PARD3B: variants seen among roughly 807,000 people sequenced by gnomAD.
PARD3B encodes par-3 family cell polarity regulator beta.
PARD3B carries 103 observed loss-of-function variants against 130.2 expected under a neutral mutation model. That is an observed-to-expected ratio of 0.79 (90% confidence interval 0.67 to 0.93). The LOEUF is 0.93. PARD3B is among the 40% of genes least tolerant of loss of function. The probability of loss-of-function intolerance (pLI) is 0.00; values close to 1 mark genes in which losing one functional copy is unlikely to be tolerated. For missense variants in PARD3B, 1,609 were observed against 1,499.2 expected (o/e 1.07, Z -1.21); for synonymous variants, 583 against 553.2 (o/e 1.05, Z -0.76).
Position 205,321,669 on chromosome 2 carries a change from G to A in PARD3B, c.2630+19968G>A, listed in dbSNP as rs528542473. ...GAGATAAGTCAAGAGTTGGCCTCAA[G>A]TAAACCTCAAAATAGCAAAATCAGA... On this transcript the variant is annotated intron_variant, in intron 18 of 22. Coordinates refer to ENST00000406610, the MANE Select transcript of PARD3B (RefSeq NM_001302769.2). The surrounding 1 kb of genome is among the most constrained non-coding windows in gnomAD (Gnocchi z 4.2). 6.6e-6 allele frequency among the ~76,000 whole-genome samples: 1 copy of A among 152,238 alleles called. No individual in the cohort carries two copies. Among genetic ancestry groups the A allele is most frequent in the East Asian group, 1.9e-4 (1 of 5,188 alleles).
At chr2:204,817,575 CA>C (rs1464129603) in intron 2 of PARD3B, among the ~76,000 whole-genome samples, 2 of 152,066 alleles carry the variant, frequency 1.3e-5, no homozygotes, top group African/African-American at 4.8e-5. Flanking sequence ...TTAATCCATT[CA>C]AGTAGTTTTC....
chr2:205,412,569 C>G (rs955698862), intron 19 of PARD3B, among the ~76,000 whole-genome samples: 3 of 152,176 alleles, frequency 2.0e-5, no homozygotes, highest in Non-Finnish European at 4.4e-5. Context: ...TTCAGTGGCT[C>G]TCTATTGCCT....
chr2:205,539,111 T>G (rs2052004293), intron 21 of PARD3B, among the ~76,000 whole-genome samples: 1 of 152,182 alleles, frequency 6.6e-6, no homozygotes, highest in African/African-American at 2.4e-5. Context: ...TAGAGACTCT[T>G]CATGCAGTTT....
At chr2:204,836,567 G>A (rs1249101867) in intron 2 of PARD3B, among the ~76,000 whole-genome samples, 2 of 152,168 alleles carry the variant, frequency 1.3e-5, no homozygotes, top group Non-Finnish European at 2.9e-5. Context: ...GGAGGCTGAG[G>A]CAGCAGAATC....
At chr2:205,278,041 C>T (rs546858859) in intron 16 of PARD3B, among the ~76,000 whole-genome samples, 46 of 151,900 alleles carry the variant, frequency 3.0e-4, no homozygotes, top group African/African-American at 1.1e-3. Context: ...TGCTTGGACG[C>T]GGAGGGAGGA....
intron 1 of PARD3B, among the ~76,000 whole-genome samples, chr2:204,548,789 C>T (rs562077351): frequency 3.3e-5 from 5 of 152,168 alleles, no homozygotes; most frequent in Admixed American, 2.6e-4. Flanking sequence ...ATTTGCAAAT[C>T]AACTATGAAA....
chr2:205,048,759 G>A (rs1456676753), intron 4 of PARD3B, among the ~76,000 whole-genome samples: 1 of 152,154 alleles, frequency 6.6e-6, no homozygotes, highest in Non-Finnish European at 1.5e-5. Flanking sequence ...TAATAGATTT[G>A]TGGCAATATT....
intron 2 of PARD3B, among the ~76,000 whole-genome samples, chr2:204,698,589 C>T (rs1224717946): frequency 6.6e-6 from 1 of 151,694 alleles, no homozygotes; most frequent in East Asian, 1.9e-4. Flanking sequence ...CTATTTAACA[C>T]ATCTATTAAG....
rs2042922234 is a variant in PARD3B, at chr2:205,325,860, T to TAGAAGGAA, written c.2630+24159_2630+24160insAGAAGGAA. ...GGCAAATATATAGAAGGAACAAAAT[T>TAGAAGGAA]GAAAAACAAATAAAAATAAATAAAA... On this transcript the variant is annotated intron_variant, in intron 18 of 22. Coordinates refer to ENST00000406610, the MANE Select transcript of PARD3B (RefSeq NM_001302769.2). This position sits in a 1 kb window ranked among gnomAD's most constrained non-coding sequence, Gnocchi z 4.1. Among the ~76,000 whole-genome samples, 1 of 152,014 alleles carries TAGAAGGAA rather than the reference T, an allele frequency of 6.6e-6. No homozygotes were observed. Among genetic ancestry groups the TAGAAGGAA allele is most frequent in the Non-Finnish European group, 1.5e-5 (1 of 68,028 alleles).
At chr2:204,877,396 T>TA (rs568395673) in intron 2 of PARD3B, among the ~76,000 whole-genome samples, 8 of 151,726 alleles carry the variant, frequency 5.3e-5, no homozygotes, top group East Asian at 1.9e-4. Flanking sequence ...TAAAGTATAA[T>TA]AAAAAAATTA....
chr2:205,319,901 G>A (rs955084511), intron 18 of PARD3B, among the ~76,000 whole-genome samples: 38 of 151,916 alleles, frequency 2.5e-4, no homozygotes, highest in African/African-American at 8.5e-4. Flanking sequence ...AAACTCGGCC[G>A]GGTGTGGTGG....
intron 4 of PARD3B, among the ~76,000 whole-genome samples, chr2:205,074,941 T>G (rs1700949233): frequency 6.6e-6 from 1 of 152,232 alleles, no homozygotes; most frequent in South Asian, 2.1e-4. Context: ...GTTGGTGTAT[T>G]GTTTCCAAAT....
chr2:205,278,404 G>T (rs78280581), intron 16 of PARD3B, among the ~76,000 whole-genome samples: 67 of 152,274 alleles, frequency 4.4e-4, no homozygotes, highest in Middle Eastern at 6.8e-3. Context: ...ATAGGCTTGG[G>T]GGGGAGAGGG....
At chr2:205,519,142 G>T (rs368383164) in intron 21 of PARD3B, among the ~76,000 whole-genome samples, 14 of 152,330 alleles carry the variant, frequency 9.2e-5, no homozygotes, top group African/African-American at 3.1e-4. Flanking sequence ...GTCTAGCAAG[G>T]TTGGGGAAGT....
In PARD3B at chr2:205,463,373, C is replaced by T. The variant is rs922770200; in HGVS notation, c.3044+22701C>T. Among the ~76,000 whole-genome samples the T allele has an allele frequency of 6.6e-6, 1 of 151,426 alleles. No individual in the cohort carries two copies. The highest frequency in any genetic ancestry group is 2.0e-4 in the East Asian group (1 of 5,114). ...TAGCCATGGCCTGGCCAGGCACTGC[C>T]TTGCGGCCCTTCCAAAGGTGGCAGA... On this transcript the variant is annotated intron_variant, in intron 20 of 22. Coordinates refer to ENST00000406610, the MANE Select transcript of PARD3B (RefSeq NM_001302769.2). The surrounding 1 kb of genome is among the most constrained non-coding windows in gnomAD (Gnocchi z 4.8).
intron 19 of PARD3B, among the ~76,000 whole-genome samples, chr2:205,402,852 T>C (rs1016626081): frequency 1.4e-4 from 22 of 152,198 alleles, no homozygotes; most frequent in Admixed American, 1.4e-3. Context: ...CAACATTGTC[T>C]CAATCATGTG....
intron 16 of PARD3B, among the ~76,000 whole-genome samples, chr2:205,257,035 G>A (rs1367972266): frequency 6.6e-6 from 1 of 152,116 alleles, no homozygotes; most frequent in Admixed American, 6.6e-5. Flanking sequence ...AGGTACCCAT[G>A]CAATGCCATG....
intron 1 of PARD3B, among the ~76,000 whole-genome samples, chr2:204,621,461 C>A (rs1008806340): frequency 1.3e-5 from 2 of 152,128 alleles, no homozygotes; most frequent in East Asian, 3.9e-4. Context: ...TCCCAAGTAG[C>A]CAGTTTATAA....
At chr2:205,504,988 G>C (rs1047269476) in intron 21 of PARD3B, among the ~76,000 whole-genome samples, 4 of 152,130 alleles carry the variant, frequency 2.6e-5, no homozygotes, top group South Asian at 4.1e-4. Flanking sequence ...TTGGAACCAA[G>C]CCAAATGTCC....
Sources: gnomAD v4.1 joint callset for allele counts (sites outside exome capture counted in the v4.1 genomes callset) on GRCh38, gnomAD v4.1.1 for gene constraint, Gnocchi (gnomAD v3.1) non-coding constraint, MANE v1.5 for transcripts, NCBI Gene and HGNC (gene_info 2026-07-23, HGNC 2026-07-21) for gene names.